The following CTNNA3 variants were observed in gnomAD, a reference collection of about 807,000 sequenced individuals.
CTNNA3 encodes the protein catenin alpha 3.
A neutral mutation model predicts 95.7 loss-of-function variants in CTNNA3; 76 were observed. The observed-to-expected ratio is 0.79, with a 90% CI of 0.66 to 0.96. CTNNA3 has a LOEUF of 0.96. Ranked by LOEUF, CTNNA3 falls within the 40% of genes least tolerant of loss-of-function variation. The pLI is 0.00. For missense variants in CTNNA3, 1,191 were observed against 1,089.8 expected, an observed-to-expected ratio of 1.09 and a Z score of -1.31; for synonymous variants, 431 against 374.4, an observed-to-expected ratio of 1.15 and a Z score of -1.74.
At chr10:66,294,913 A>AGAGAGAGG (rs58983331) in intron 12 of CTNNA3, among the ~76,000 whole-genome samples, 1 of 148,740 alleles carries the variant, frequency 6.7e-6, no homozygotes, top group African/African-American at 2.5e-5. Flanking sequence ...AGAGAGAGAG[A>AGAGAGAGG]GGGATTTGGT....
intron 10 of CTNNA3, among the ~76,000 whole-genome samples, chr10:66,618,535 C>T (rs1472791185): frequency 1.3e-5 from 2 of 152,128 alleles, no homozygotes; most frequent in Non-Finnish European, 2.9e-5. Context: ...GGATCCCTTC[C>T]TTACACCTTC....
intron 7 of CTNNA3, among the ~76,000 whole-genome samples, chr10:66,958,984 A>C (rs1848980539): frequency 6.6e-6 from 1 of 152,094 alleles, no homozygotes. Context: ...GTGTAAATGA[A>C]TTATCTCCTC....
intron 17 of CTNNA3, among the ~76,000 whole-genome samples, chr10:65,948,159 TAGTCCC>T (rs2077549554): frequency 6.6e-6 from 1 of 151,496 alleles, no homozygotes; most frequent in Admixed American, 6.6e-5. Flanking sequence ...TGGGCGCCTG[TAGTCCC>T]AGCTACTCGG....
intron 5 of CTNNA3, among the ~76,000 whole-genome samples, chr10:67,445,384 C>A (rs777115179): frequency 6.7e-6 from 1 of 150,052 alleles, no homozygotes; most frequent in Non-Finnish European, 1.5e-5. Flanking sequence ...TGTAGAGGAG[C>A]TAAATGCATT....
At chr10:66,507,631 A>C (rs1840497202) in intron 11 of CTNNA3, among the ~76,000 whole-genome samples, 1 of 152,118 alleles carries the variant, frequency 6.6e-6, no homozygotes, top group Non-Finnish European at 1.5e-5. Flanking sequence ...TATTTTACTT[A>C]ACATAATGTC....
At chr10:67,369,775 C>T (rs926882689) in intron 5 of CTNNA3, among the ~76,000 whole-genome samples, 6 of 152,080 alleles carry the variant, frequency 3.9e-5, no homozygotes, top group Non-Finnish European at 5.9e-5. Context: ...ATATCTTTTG[C>T]CTATCAGCTT....
At chr10:67,303,606 A>C (rs1263593414) in intron 5 of CTNNA3, among the ~76,000 whole-genome samples, 1 of 152,262 alleles carries the variant, frequency 6.6e-6, no homozygotes, top group Non-Finnish European at 1.5e-5. Context: ...ATGGTTTCTC[A>C]GGAATGGTCA....
chr10:66,416,332 T>C (rs1446126164), intron 11 of CTNNA3, among the ~76,000 whole-genome samples: 1 of 151,658 alleles, frequency 6.6e-6, no homozygotes, highest in Non-Finnish European at 1.5e-5. Context: ...TGATAAAATA[T>C]ATAAATTATT....
At chr10:66,512,341 A>G (rs2131995753) in intron 11 of CTNNA3, among the ~76,000 whole-genome samples, 2 of 152,192 alleles carry the variant, frequency 1.3e-5, no homozygotes, top group Middle Eastern at 3.4e-3. Flanking sequence ...ATATATTTCA[A>G]TTAGGGAATT....
chr10:66,648,870 C>G (rs1180854546), intron 9 of CTNNA3, among the ~76,000 whole-genome samples: 1 of 152,144 alleles, frequency 6.6e-6, no homozygotes, highest in Non-Finnish European at 1.5e-5. Context: ...AAAATCATTA[C>G]AGATGGGAGA....
chr10:67,090,876 C>A (rs1283581095), intron 7 of CTNNA3, among the ~76,000 whole-genome samples: 1 of 151,750 alleles, frequency 6.6e-6, no homozygotes, highest in Non-Finnish European at 1.5e-5. Flanking sequence ...TGCCAGGGAC[C>A]CAAGCTGCAG....
rs542197024 is a variant in CTNNA3 at position 66,174,611 on chromosome 10, G to A, written c.1885-71362C>T. On this transcript the variant is annotated intron_variant, in intron 13 of 17. Coordinates refer to ENST00000433211, the MANE Select transcript of CTNNA3 (RefSeq NM_013266.4). ...ACTTTTTTTCAACCAAACAGGGATC[G>A]AAAATAGAGTATTTGCAGGATGTGA... Among the ~76,000 whole-genome samples, 332 of 151,858 alleles carry A rather than the reference G, an allele frequency of 2.2e-3. 1 individual carries two copies. Among genetic ancestry groups the A allele is most frequent in the African/African-American group, 7.3e-3 (304 of 41,424 alleles).
intron 11 of CTNNA3, among the ~76,000 whole-genome samples, chr10:66,386,607 A>G (rs1190861775): frequency 6.6e-6 from 1 of 152,210 alleles, no homozygotes; most frequent in Non-Finnish European, 1.5e-5. Context: ...TTTAAAGTTC[A>G]TATGGAACCA....
chr10:66,853,532 T>C (rs1012859590), intron 7 of CTNNA3, among the ~76,000 whole-genome samples: 1 of 152,104 alleles, frequency 6.6e-6, no homozygotes, highest in African/African-American at 2.4e-5. Context: ...AGTGTTATAA[T>C]TTTAACACAA....
intron 7 of CTNNA3, among the ~76,000 whole-genome samples, chr10:67,138,958 A>C (rs1860419164): frequency 6.6e-6 from 1 of 152,210 alleles, no homozygotes; most frequent in African/African-American, 2.4e-5. Flanking sequence ...GAAAGCTCTT[A>C]TATATTTAGC....
intron 5 of CTNNA3, among the ~76,000 whole-genome samples, chr10:67,235,301 G>A (rs1489748052): frequency 6.6e-6 from 1 of 151,424 alleles, no homozygotes; most frequent in African/African-American, 2.4e-5. Flanking sequence ...GCATGGTACT[G>A]GTACCAAAAC....
intron 12 of CTNNA3, among the ~76,000 whole-genome samples, chr10:66,315,103 A>G (rs918981255): frequency 4.6e-5 from 7 of 152,082 alleles, no homozygotes; most frequent in African/African-American, 1.7e-4. Flanking sequence ...TTCTTTATTA[A>G]TAAATTTTAC....
chr10:66,305,085 C>T (rs545404759), intron 12 of CTNNA3, among the ~76,000 whole-genome samples: 1 of 152,098 alleles, frequency 6.6e-6, no homozygotes, highest in South Asian at 2.1e-4. Context: ...CCTCTCTAAC[C>T]CCCACTATAT....
intron 14 of CTNNA3, among the ~76,000 whole-genome samples, chr10:66,083,276 T>A (rs2080839233): frequency 6.6e-6 from 1 of 152,140 alleles, no homozygotes; most frequent in African/African-American, 2.4e-5. Flanking sequence ...AACATGCAAC[T>A]TGTAATTTAG....
Sources: gnomAD v4.1 joint callset for allele counts (sites outside exome capture counted in the v4.1 genomes callset) on GRCh38, gnomAD v4.1.1 for gene constraint, MANE v1.5 for transcripts, NCBI Gene and HGNC (gene_info 2026-07-23, HGNC 2026-07-21) for gene names.